The following AFAP1 variants were observed in gnomAD, a reference collection of about 807,000 sequenced individuals.
AFAP1 encodes the protein actin filament-associated protein 1.
In AFAP1, 75 loss-of-function variants were observed where a neutral mutation model predicts 93.9. The observed-to-expected ratio is 0.80, with a 90% CI of 0.66 to 0.97. AFAP1 has a LOEUF of 0.97. AFAP1 is among the 50% of genes least tolerant of loss of function. AFAP1 has a pLI of 0.00. For missense variants in AFAP1, 1,201 were observed against 1,050.8 expected, an observed-to-expected ratio of 1.14 and a Z score of -1.98; for synonymous variants, 517 against 430.7, an observed-to-expected ratio of 1.20 and a Z score of -2.48.
rs932162266 is a variant in AFAP1, at chr4:7,781,529, C to T, written c.1629G>A (p.Pro543=). Residue 543 remains proline, a synonymous_variant, in exon 13 of 18, where the codon CCG becomes CCA. Coordinates refer to ENST00000420658, the MANE Select transcript of AFAP1 (RefSeq NM_001134647.2). ...NAGLYDNLPP[P]HIFARYSPAD... is the part of the protein sequence containing the mutation. ...CAGGAGAGTAGCGGGCAAAGATGTG[C>T]GGAGGCGGCAAGTTATCGTACAGGC... The T allele has an allele frequency of 2.2e-5, 34 of 1,552,020 alleles. No individual in the cohort carries two copies. The Admixed American group carries it at 4.9e-4, about 22-fold the overall frequency.
At chr4:7,812,396 G>T (rs11724632) in intron 8 of AFAP1, among the ~76,000 whole-genome samples, 2 of 152,032 alleles carry the variant, frequency 1.3e-5, no homozygotes, top group African/African-American at 4.8e-5. Flanking sequence ...GCAAAGAAAT[G>T]AGATCATAAT....
rs537485861 is a variant in AFAP1 at position 7,902,523 on chromosome 4, T to G, written c.-2-30443A>C. Among the ~76,000 whole-genome samples the G allele has an allele frequency of 3.1e-4, 47 of 152,308 alleles. 1 individual carries two copies. Among genetic ancestry groups the G allele is most frequent in the Non-Finnish European group, 5.4e-4 (37 of 68,034 alleles). Reference sequence around the variant, plus strand: ...AGGTTTGATTTTTTTCCCCTTGTTCTAAAGTTGCTGTTTCCGAATCTCCTT... The same window carrying G: ...AGGTTTGATTTTTTTCCCCTTGTTCGAAAGTTGCTGTTTCCGAATCTCCTT... On this transcript the variant is annotated intron_variant, in intron 1 of 17. Coordinates refer to ENST00000420658, the MANE Select transcript of AFAP1 (RefSeq NM_001134647.2).
At chr4:7,860,813 C>T (rs1304059545) in intron 3 of AFAP1, among the ~76,000 whole-genome samples, 1 of 152,152 alleles carries the variant, frequency 6.6e-6, no homozygotes, top group Non-Finnish European at 1.5e-5. Flanking sequence ...AGACCTTTTG[C>T]TCCCATATCA....
intron 16 of AFAP1, 111 bp downstream of exon 16, chr4:7,772,709 G>A (rs1279916763): frequency 3.0e-6 from 3 of 1,001,466 alleles, no homozygotes; most frequent in South Asian, 1.7e-5. Context: ...GCACACTAAG[G>A]GGCCACAAGC....
At chr4:7,836,616 T>G (rs1257832436) in intron 6 of AFAP1, among the ~76,000 whole-genome samples, 1 of 152,156 alleles carries the variant, frequency 6.6e-6, no homozygotes, top group Non-Finnish European at 1.5e-5. Flanking sequence ...CTGGCTGATT[T>G]TCTGTATCTT....
At chr4:7,839,734 A>C (rs1712762946) in intron 5 of AFAP1, among the ~76,000 whole-genome samples, 1 of 152,140 alleles carries the variant, frequency 6.6e-6, no homozygotes, top group African/African-American at 2.4e-5. Context: ...TAAAACTGAG[A>C]ATCAAATCAT....
intron 1 of AFAP1, among the ~76,000 whole-genome samples, chr4:7,889,257 G>GT (rs1319006723): frequency 6.6e-6 from 1 of 152,036 alleles, no homozygotes; most frequent in Non-Finnish European, 1.5e-5. Flanking sequence ...CAGGGGGGTT[G>GT]TTTTCTAGTA....
At chr4:7,767,057 G>A (rs1226167067) in intron 17 of AFAP1, among the ~76,000 whole-genome samples, 2 of 152,216 alleles carry the variant, frequency 1.3e-5, no homozygotes, top group Non-Finnish European at 2.9e-5. Context: ...AGGGTCTACA[G>A]GCCCCACCAC....
intron 9 of AFAP1, among the ~76,000 whole-genome samples, chr4:7,804,858 G>C (rs186903581): frequency 4.1e-4 from 62 of 152,298 alleles, no homozygotes; most frequent in African/African-American, 1.3e-3. Flanking sequence ...AGAGGGGCCT[G>C]CAAGAGGGGC....
chr4:7,894,720 TGAA>T (rs1718669418), intron 1 of AFAP1, among the ~76,000 whole-genome samples: 1 of 152,128 alleles, frequency 6.6e-6, no homozygotes, highest in Non-Finnish European at 1.5e-5. Context: ...GACCCACCGA[TGAA>T]GAGGTAGGTC....
intron 4 of AFAP1, among the ~76,000 whole-genome samples, chr4:7,854,006 C>G (rs553834051): frequency 7.4e-4 from 113 of 152,206 alleles, no homozygotes; most frequent in Non-Finnish European, 1.2e-3. Context: ...AAATGACCAA[C>G]AGCCCCCAAA....
At chr4:7,903,939 G>C (rs917390296) in intron 1 of AFAP1, among the ~76,000 whole-genome samples, 1 of 148,776 alleles carries the variant, frequency 6.7e-6, no homozygotes, top group African/African-American at 2.6e-5. Context: ...CTGGGCAATG[G>C]TTTAATGTCT....
chr4:7,912,416 C>T (rs1450078822), intron 1 of AFAP1, among the ~76,000 whole-genome samples: 1 of 152,234 alleles, frequency 6.6e-6, no homozygotes, highest in South Asian at 2.1e-4. Flanking sequence ...TCCATTCCTG[C>T]CAGCCAAGTG....
Position 7,793,802 on chromosome 4 carries a change from T to C in AFAP1, c.1291A>G (p.Arg431Gly). 1 of 1,556,074 alleles carries C rather than the reference T, an allele frequency of 6.4e-7. No individual in the cohort carries two copies. The highest frequency in any genetic ancestry group is 8.8e-7 in the Non-Finnish European group (1 of 1,136,484). ...LEASSSEDMG[R>G]WIGILLAETG... ...TCTGCGAGTAAAATCCCAATCCACC[T>C]GCCCATGTCTTCAGAAGAAGATGCC... The change falls in exon 11 of 18, where the codon AGG (arginine) becomes GGG (glycine). Residue 431 changes from arginine to glycine, a missense_variant. Arg to Gly is a moderately radical substitution (Grantham distance 125). Coordinates refer to ENST00000420658, the MANE Select transcript of AFAP1 (RefSeq NM_001134647.2).
At chr4:7,924,163 T>C (rs2386054) in intron 1 of AFAP1, among the ~76,000 whole-genome samples, 19,632 of 152,192 alleles carry the variant, frequency 0.13, 2,038 homozygotes, top group East Asian at 0.49. Flanking sequence ...CTGCTTTCTA[T>C]TCCTGGTTTT....
At chr4:7,786,140 C>T in intron 12 of AFAP1, 54 bp downstream of exon 12, 13 of 1,529,446 alleles carry the variant, frequency 8.5e-6, no homozygotes, top group Non-Finnish European at 1.2e-5. Flanking sequence ...ACAGAATTTT[C>T]ACAGCCTCGG....
intron 8 of AFAP1, among the ~76,000 whole-genome samples, chr4:7,812,313 A>C (rs994295852): frequency 3.9e-5 from 6 of 152,200 alleles, no homozygotes; most frequent in African/African-American, 1.4e-4. Flanking sequence ...CAGAAAATGC[A>C]GCTCATCGCG....
chr4:7,854,682 G>T (rs371537748), intron 4 of AFAP1, among the ~76,000 whole-genome samples: 2 of 151,908 alleles, frequency 1.3e-5, no homozygotes, highest in East Asian at 3.9e-4. Context: ...CCTGAGTACA[G>T]TCAGCAACTG....
At chr4:7,917,149 A>G (rs563628325) in intron 1 of AFAP1, among the ~76,000 whole-genome samples, 1 of 152,318 alleles carries the variant, frequency 6.6e-6, no homozygotes, top group South Asian at 2.1e-4. Flanking sequence ...CATTTCATGT[A>G]GCCCGCCTGG....
Sources: allele counts gnomAD v4.1 joint callset (sites outside exome capture counted in the v4.1 genomes callset), GRCh38; gene constraint gnomAD v4.1.1; transcripts MANE v1.5; gene names NCBI Gene and HGNC (gene_info 2026-07-23, HGNC 2026-07-21).